The following TNFAIP8 variants were observed in gnomAD, a reference collection of about 807,000 sequenced individuals.
TNFAIP8 encodes TNF alpha induced protein 8.
A neutral mutation model predicts 13.3 loss-of-function variants in TNFAIP8; 7 were observed. That is an observed-to-expected ratio of 0.52 (90% confidence interval 0.30 to 0.99). The LOEUF is 0.99. Ranked by LOEUF, TNFAIP8 falls within the 50% of genes least tolerant of loss-of-function variation. The pLI, the probability that TNFAIP8 is intolerant of heterozygous loss-of-function variation, is 0.07. For synonymous variants in TNFAIP8, 94 were observed against 87.6 expected (o/e 1.07, Z -0.41); for missense variants, 258 against 236.9 (o/e 1.09, Z -0.58).
chr5:119,383,739 AG>A (rs1752572127), intron 1 of TNFAIP8, among the ~76,000 whole-genome samples: 1 of 152,226 alleles, frequency 6.6e-6, no homozygotes, highest in Non-Finnish European at 1.5e-5. Flanking sequence ...TCAGAACTGC[AG>A]TGGGTGGCAA....
chr5:119,391,393 A>G (rs1397938944), intron 1 of TNFAIP8: 1 of 702,412 alleles, frequency 1.4e-6, no homozygotes. Context: ...GCATATATGG[A>G]GAGAACAGTT....
At chr5:119,339,109 G>T (rs913042109) in intron 1 of TNFAIP8, among the ~76,000 whole-genome samples, 2 of 152,148 alleles carry the variant, frequency 1.3e-5, no homozygotes, top group Non-Finnish European at 2.9e-5. Context: ...CTGAATTGGC[G>T]TCTCTGATGT....
At chr5:119,285,274 A>C (rs994245585) in intron 1 of TNFAIP8, among the ~76,000 whole-genome samples, 1 of 152,160 alleles carries the variant, frequency 6.6e-6, no homozygotes, top group African/African-American at 2.4e-5. Context: ...AATCATCTCT[A>C]ATCCCTCAGT....
intron 1 of TNFAIP8, among the ~76,000 whole-genome samples, chr5:119,358,652 C>T (rs993905954): frequency 6.6e-6 from 1 of 152,098 alleles, no homozygotes; most frequent in African/African-American, 2.4e-5. Context: ...CAACAGTTTC[C>T]AGTGGATGGG....
intron 1 of TNFAIP8, among the ~76,000 whole-genome samples, chr5:119,366,636 G>A (rs1028091123): frequency 4.6e-5 from 7 of 152,208 alleles, no homozygotes; most frequent in African/African-American, 1.7e-4. Context: ...TTTCTGGAGG[G>A]CCAGTGGTGA....
chr5:119,341,955 C>T (rs1750752053), intron 1 of TNFAIP8, among the ~76,000 whole-genome samples: 1 of 152,138 alleles, frequency 6.6e-6, no homozygotes. Flanking sequence ...GGGAATGGGA[C>T]AAGTTTGTGT....
At chr5:119,313,157 T>C (rs1411296564) in intron 1 of TNFAIP8, among the ~76,000 whole-genome samples, 2 of 152,038 alleles carry the variant, frequency 1.3e-5, no homozygotes, top group Non-Finnish European at 2.9e-5. Flanking sequence ...TGGGTAAGAG[T>C]GGTCAGCTTC....
chr5:119,378,393 A>G (rs542257066), intron 1 of TNFAIP8, among the ~76,000 whole-genome samples: 14 of 152,366 alleles, frequency 9.2e-5, no homozygotes, highest in African/African-American at 3.4e-4. Flanking sequence ...AAAGCCTAGC[A>G]AATTCCATCT....
rs34587766 is a variant in TNFAIP8 at position 119,396,994 on chromosome 5, C to CAAAAA, written c.*3632_*3636dup. On this transcript the variant is annotated 3_prime_UTR_variant, in exon 2 of 2. Transcript: ENST00000504771. ...GGGCAACAAGAACGAAACCCCGTCT[C>CAAAAA]AAAAAAAAAAAAAAAAAAAAAAAGC... 5 of 65,872 alleles carry CAAAAA rather than the reference C, an allele frequency of 7.6e-5. No homozygotes were observed. Among genetic ancestry groups the CAAAAA allele is most frequent in the Non-Finnish European group, 8.4e-5 (3 of 35,696 alleles). 4.1% of individuals were successfully genotyped at this position (65,872 alleles called of 1,614,324 possible). A position where few individuals can be genotyped will look rare whatever the true frequency, so the allele number is the denominator to read the frequency against.
intron 1 of TNFAIP8, among the ~76,000 whole-genome samples, chr5:119,278,554 C>G (rs888475802): frequency 2.0e-5 from 3 of 152,022 alleles, no homozygotes; most frequent in African/African-American, 7.2e-5. Context: ...TTAAGGGAAG[C>G]TGTGAAAGTG....
chr5:119,293,156 C>T (rs1358080885), intron 1 of TNFAIP8, among the ~76,000 whole-genome samples: 3 of 152,012 alleles, frequency 2.0e-5, no homozygotes, highest in Non-Finnish European at 1.5e-5. Context: ...ATGGCTAAAT[C>T]AAGCCATTTA....
chr5:119,385,127 C>G (rs1324104141), intron 1 of TNFAIP8, among the ~76,000 whole-genome samples: 2 of 152,214 alleles, frequency 1.3e-5, no homozygotes, highest in Non-Finnish European at 2.9e-5. Context: ...TGGATCTTTT[C>G]AGATTTATAA....
chr5:119,286,385 G>T (rs936779701), intron 1 of TNFAIP8, among the ~76,000 whole-genome samples: 2 of 152,174 alleles, frequency 1.3e-5, no homozygotes, highest in African/African-American at 4.8e-5. Flanking sequence ...ACTTTTGGAG[G>T]CCGAGGTGGG....
intron 1 of TNFAIP8, among the ~76,000 whole-genome samples, 174 bp downstream of exon 1, chr5:119,356,295 G>T (rs1751410862): frequency 1.3e-5 from 2 of 152,146 alleles, no homozygotes; most frequent in Non-Finnish European, 2.9e-5. Flanking sequence ...CTCATCTTGG[G>T]CTCCCTTCTC....
At chr5:119,366,086 C>T (rs1426893720) in intron 1 of TNFAIP8, among the ~76,000 whole-genome samples, 1 of 149,012 alleles carries the variant, frequency 6.7e-6, no homozygotes, top group Non-Finnish European at 1.5e-5. Flanking sequence ...TGAGAGCCTC[C>T]GAGGGAAGAA....
At chr5:119,286,560 T>C (rs567906624) in intron 1 of TNFAIP8, among the ~76,000 whole-genome samples, 1 of 150,948 alleles carries the variant, frequency 6.6e-6, no homozygotes, top group South Asian at 2.1e-4. Flanking sequence ...AGGCAGAGCT[T>C]GCAGAGAGCC....
intron 1 of TNFAIP8, among the ~76,000 whole-genome samples, chr5:119,314,087 T>G (rs1487918822): frequency 1.3e-5 from 2 of 152,222 alleles, no homozygotes; most frequent in Admixed American, 6.5e-5. Flanking sequence ...CAATCCCAGC[T>G]ACTTGGGTGG....
chr5:119,292,681 TATATACAC>T (rs1206986693), intron 1 of TNFAIP8, among the ~76,000 whole-genome samples: 30 of 40,790 alleles, frequency 7.4e-4, no homozygotes, highest in African/African-American at 1.6e-3. Context: ...TATATATATA[TATATACAC>T]ACACACACAA....
intron 1 of TNFAIP8, among the ~76,000 whole-genome samples, chr5:119,315,104 A>G (rs1472562689): frequency 2.0e-5 from 3 of 151,382 alleles, no homozygotes; most frequent in African/African-American, 4.9e-5. Context: ...GTTTTTCGAG[A>G]TGGAGTCTCT....
Sources: gnomAD v4.1 joint callset for allele counts (sites outside exome capture counted in the v4.1 genomes callset) on GRCh38, gnomAD v4.1.1 for gene constraint, MANE v1.5 for transcripts, NCBI Gene and HGNC (gene_info 2026-07-23, HGNC 2026-07-21) for gene names.